The following REPS2 variants were observed in gnomAD, a reference collection of about 807,000 sequenced individuals.
The protein encoded by REPS2 is RALBP1 associated Eps domain containing 2, also known as ralBP1-associated Eps domain-containing protein 2.
REPS2 carries 23 observed loss-of-function variants against 53.6 expected under a neutral mutation model. That is an observed-to-expected ratio of 0.43 (90% confidence interval 0.31 to 0.61). The LOEUF is 0.61. Among genes scored for constraint, REPS2 ranks in the 20% least tolerant of loss-of-function variants. The pLI is 0.11. For missense variants in REPS2, 446 were observed against 534.9 expected, an observed-to-expected ratio of 0.83 and a Z score of 1.64; for synonymous variants, 238 against 218.6, an observed-to-expected ratio of 1.09 and a Z score of -0.78.
chrX:17,053,439 A>G (rs2062028765), intron 7 of REPS2, among the ~76,000 whole-genome samples: 1 of 111,304 alleles, frequency 9.0e-6, no homozygotes, highest in African/African-American at 3.3e-5. Context: ...GTGCAGTGAC[A>G]TGATTATAGC....
At chrX:17,076,815 A>T (rs2062387755) in intron 12 of REPS2, among the ~76,000 whole-genome samples, 2 of 111,480 alleles carry the variant, frequency 1.8e-5, no homozygotes. Context: ...TGAACATTGA[A>T]TTCTTACCCT....
chrX:17,118,529 A>G (rs2063095397), intron 14 of REPS2, among the ~76,000 whole-genome samples: 1 of 112,109 alleles, frequency 8.9e-6, no homozygotes, highest in South Asian at 3.7e-4. Context: ...GCAGAAGTTA[A>G]CTACTTGGGC....
intron 1 of REPS2, among the ~76,000 whole-genome samples, chrX:16,965,485 C>G (rs1237122799): frequency 1.8e-5 from 2 of 109,896 alleles, no homozygotes; most frequent in South Asian, 7.8e-4. Context: ...AGCTGCCGGG[C>G]GGAGGGGCTC....
At chrX:17,087,819 C>T (rs2062557657) in intron 13 of REPS2, among the ~76,000 whole-genome samples, 1 of 110,293 alleles carries the variant, frequency 9.1e-6, no homozygotes, top group Non-Finnish European at 1.9e-5. Context: ...CCTCTAATCC[C>T]AGCTATTCGG....
intron 10 of REPS2, among the ~76,000 whole-genome samples, chrX:17,069,284 C>T (rs186453038): frequency 8.9e-6 from 1 of 111,895 alleles, no homozygotes; most frequent in East Asian, 2.8e-4. Context: ...AGCCAGTATT[C>T]TGCCTGTTAT....
chrX:17,008,456 A>T (rs766731325), intron 2 of REPS2, among the ~76,000 whole-genome samples: 3 of 112,114 alleles, frequency 2.7e-5, no homozygotes, highest in Non-Finnish European at 3.8e-5. Context: ...TAAAGGATTA[A>T]CAGTTTATCA....
chrX:16,957,975 T>C (rs896351152), intron 1 of REPS2, among the ~76,000 whole-genome samples: 12 of 111,944 alleles, frequency 1.1e-4, no homozygotes, highest in Non-Finnish European at 1.7e-4. Context: ...ACATATATGA[T>C]GATAAAAACC....
In REPS2 at chrX:17,135,341, G is replaced by A. The variant is rs768836697; in HGVS notation, c.1743G>A (p.Glu581=). ...AAAACCAAGCTACAGAAAACCAAGA[G>A]CCTTCCACTGCTGCAAGTGGGCCAG... ...RPENQATENQ[E]PSTAASGPAS... The change falls in exon 16 of 18, where the codon GAG becomes GAA. Residue 581 remains glutamate (E), a synonymous_variant. Transcript: ENST00000357277. The A allele has an allele frequency of 8.3e-7, 1 of 1,211,896 alleles. No individual in the cohort carries two copies. Among genetic ancestry groups the A allele is most frequent in the Non-Finnish European group, 1.1e-6 (1 of 895,463 alleles).
chrX:16,987,337 A>G (rs1372846809), intron 1 of REPS2, among the ~76,000 whole-genome samples: 1 of 111,381 alleles, frequency 9.0e-6, no homozygotes, highest in East Asian at 2.8e-4. Flanking sequence ...GACAGAAGAA[A>G]CAATGGAAAG....
At chrX:17,000,519 A>G (rs903439459) in intron 1 of REPS2, among the ~76,000 whole-genome samples, 1 of 111,947 alleles carries the variant, frequency 8.9e-6, no homozygotes, top group Non-Finnish European at 1.9e-5. Flanking sequence ...AGGGTATCTG[A>G]AAGGATATAA....
intron 2 of REPS2, among the ~76,000 whole-genome samples, chrX:17,013,624 C>CTGTGTG (rs10559340): frequency 3.0e-5 from 3 of 100,173 alleles, no homozygotes; most frequent in Non-Finnish European, 6.1e-5. Flanking sequence ...GTAGCTGGCT[C>CTGTGTG]TGTGTGTGTG....
At chrX:17,074,066 A>T in intron 11 of REPS2, 48 bp from the exon 12 acceptor site, 1 of 1,151,078 alleles carries the variant, frequency 8.7e-7, no homozygotes, top group Non-Finnish European at 1.2e-6. Context: ...GCTGCATATA[A>T]ACTTGTTTAA....
At chrX:16,963,822 G>A (rs189259000) in intron 1 of REPS2, among the ~76,000 whole-genome samples, 1 of 111,197 alleles carries the variant, frequency 9.0e-6, no homozygotes, top group Non-Finnish European at 1.9e-5. Context: ...AAGTGGTCAG[G>A]TGGAAGAGAT....
chrX:16,997,212 C>T (rs778747784), intron 1 of REPS2, among the ~76,000 whole-genome samples: 12 of 112,463 alleles, frequency 1.1e-4, no homozygotes, highest in African/African-American at 2.6e-4. Context: ...TAATCTGAGC[C>T]GTAATTGCAT....
intron 15 of REPS2, 124 bp from the exon 16 acceptor site, chrX:17,135,137 A>G: frequency 4.6e-6 from 3 of 646,846 alleles, no homozygotes; most frequent in East Asian, 3.5e-5. Flanking sequence ...GCCATGGGTC[A>G]GTAAATAGAG....
At chrX:17,096,517 G>A (rs2062700700) in intron 13 of REPS2, among the ~76,000 whole-genome samples, 2 of 104,156 alleles carry the variant, frequency 1.9e-5, no homozygotes, top group Admixed American at 1.0e-4. Context: ...AAAATTAGCC[G>A]GGCGTAGTGG....
rs1019757582 is a variant in REPS2 at position 16,981,383 on chromosome X, C to T, written c.274-24838C>T. Among the ~76,000 whole-genome samples, 8 of 112,261 alleles carry T rather than the reference C, an allele frequency of 7.1e-5. No homozygotes were observed. In the East Asian group the frequency reaches 2.2e-3, roughly 31 times the overall value. On this transcript the variant is annotated intron_variant, in intron 1 of 17. Coordinates refer to ENST00000357277, the MANE Select transcript of REPS2 (RefSeq NM_004726.3). Reference sequence around the variant, plus strand: ...CTGCAGGAAGGTTTAAATAAAATCTCATATGTGGCTTTTCCTTAACACATT... The same window carrying T: ...CTGCAGGAAGGTTTAAATAAAATCTTATATGTGGCTTTTCCTTAACACATT...
chrX:16,948,755 G>C (rs752627489), intron 1 of REPS2, among the ~76,000 whole-genome samples: 3 of 111,867 alleles, frequency 2.7e-5, no homozygotes, highest in Non-Finnish European at 3.8e-5. Context: ...AAGGACCCAA[G>C]GCACAGTGGC....
At chrX:16,967,795 A>G (rs994522971) in intron 1 of REPS2, among the ~76,000 whole-genome samples, 9 of 109,717 alleles carry the variant, frequency 8.2e-5, no homozygotes, top group Non-Finnish European at 1.9e-5. Context: ...GTACTATGGC[A>G]TATCTCAAAT....
Sources: gnomAD v4.1 joint callset for allele counts (sites outside exome capture counted in the v4.1 genomes callset) on GRCh38, gnomAD v4.1.1 for gene constraint, MANE v1.5 for transcripts, NCBI Gene and HGNC (gene_info 2026-07-23, HGNC 2026-07-21) for gene names.